Variants in SUCO observed in about 807,000 individuals in gnomAD.
The protein encoded by SUCO is SUN domain-containing ossification factor.
Under a neutral mutation model 148.1 loss-of-function variants are expected in SUCO, and 57 were observed. The observed-to-expected ratio is 0.38, with a 90% confidence interval of 0.31 to 0.48. SUCO has a LOEUF of 0.48. Among genes scored for constraint, SUCO ranks in the 20% least tolerant of loss-of-function variants. The pLI is 0.96. For missense variants in SUCO, 1,331 were observed against 1,468.2 expected (o/e 0.91, Z 1.53); for synonymous variants, 470 against 502.7 (o/e 0.93, Z 0.87).
intron 1 of SUCO, chr1:172,542,905 A>G: frequency 8.1e-6 from 8 of 985,428 alleles, no homozygotes; most frequent in Non-Finnish European, 9.6e-6. Flanking sequence ...GAGAGCTTGA[A>G]AACTGAGAAA....
intron 1 of SUCO, chr1:172,541,836 C>A (rs1286426612): frequency 1.0e-6 from 1 of 982,764 alleles, no homozygotes; most frequent in Non-Finnish European, 1.2e-6. Flanking sequence ...CATTCTAGGG[C>A]CTAAAATTAT....
rs780599535 is a variant in SUCO at position 172,557,668 on chromosome 1, T to C, written c.606T>C (p.Asn202=). ...PDSLVGQHIE[N]VSSSHGKGKI... ...GCCTTGTTGGCCAGCATATAGAAAATGTATCATCTTCACATGGTAAAGGAA... is the reference window on the plus strand; with the variant it reads ...GCCTTGTTGGCCAGCATATAGAAAACGTATCATCTTCACATGGTAAAGGAA... Residue 202 remains asparagine (N), a synonymous_variant, in exon 6 of 24, where the codon AAT becomes AAC. Coordinates refer to ENST00000263688, the MANE Select transcript of SUCO (RefSeq NM_014283.5). 1.9e-6 allele frequency: 3 copies of C among 1,604,078 alleles called. No homozygotes were observed. Among genetic ancestry groups the C allele is most frequent in the African/African-American group, 2.7e-5 (2 of 74,254 alleles).
At chr1:172,534,117 T>C (rs768062248) in intron 1 of SUCO, among the ~76,000 whole-genome samples, 1 of 152,130 alleles carries the variant, frequency 6.6e-6, no homozygotes, top group East Asian at 1.9e-4. Flanking sequence ...GTGTGTGTAG[T>C]AGTTTTTGGT....
intron 1 of SUCO, among the ~76,000 whole-genome samples, chr1:172,544,980 G>C (rs1482400239): frequency 6.6e-6 from 1 of 152,162 alleles, no homozygotes; most frequent in Non-Finnish European, 1.5e-5. Flanking sequence ...AGTTAAGGCA[G>C]TCAGAATGGG....
chr1:172,559,903 C>T (rs371647083), intron 6 of SUCO, among the ~76,000 whole-genome samples: 1 of 152,240 alleles, frequency 6.6e-6, no homozygotes, highest in Non-Finnish European at 1.5e-5. Flanking sequence ...GATCTGATGT[C>T]CAAGACCCGC....
chr1:172,534,337 G>T (rs146446790), intron 1 of SUCO, among the ~76,000 whole-genome samples: 2 of 152,198 alleles, frequency 1.3e-5, no homozygotes, highest in Admixed American at 6.5e-5. Context: ...TTTCTTCAAA[G>T]ATGTGTGACA....
At chr1:172,600,838 A>G (rs1383062967) in intron 20 of SUCO, among the ~76,000 whole-genome samples, 1 of 152,054 alleles carries the variant, frequency 6.6e-6, no homozygotes, top group Non-Finnish European at 1.5e-5. Flanking sequence ...GCAGCCACAC[A>G]TTGCCTGGAA....
At chr1:172,601,763 A>G (rs902961310) in intron 20 of SUCO, among the ~76,000 whole-genome samples, 2 of 152,188 alleles carry the variant, frequency 1.3e-5, no homozygotes, top group Admixed American at 6.5e-5. Flanking sequence ...GTAAATGGAA[A>G]GACAAACAAA....
chr1:172,602,355 A>G, intron 21 of SUCO, 137 bp downstream of exon 21: 1 of 1,411,734 alleles, frequency 7.1e-7, no homozygotes, highest in Non-Finnish European at 9.2e-7. Context: ...AACATTAAAA[A>G]CATCATTCGA....
rs1398287149 is a variant in SUCO at position 172,540,395 on chromosome 1, TA to T, written c.62+6902del. Among the ~76,000 whole-genome samples the T allele has an allele frequency of 5.9e-5, 9 of 152,356 alleles. No individual in the cohort carries two copies. The East Asian group carries it at 1.5e-3, about 26-fold the overall frequency. On this transcript the variant is annotated intron_variant, in intron 1 of 23. Coordinates refer to ENST00000263688, the MANE Select transcript of SUCO (RefSeq NM_014283.5). ...ACATTGGAATTGTTCATGAAACTTTTAAAAGAAATACGCATACCTAGGATTC... is the reference window on the plus strand; with the variant it reads ...ACATTGGAATTGTTCATGAAACTTTTAAAGAAATACGCATACCTAGGATTC...
At position 172,585,873 on chromosome 1, in the gene SUCO, CTGAGA is replaced by C; in HGVS notation, c.1584_1588del (p.Glu529CysfsTer8). On this transcript the variant is annotated frameshift_variant, in exon 17 of 24. Coordinates refer to ENST00000263688, the MANE Select transcript of SUCO (RefSeq NM_014283.5). LOFTEE classifies it high-confidence loss of function. ...CTTAAAATAGGAAATAAAAGTATAT[CTGAGA>C]ATGCCACTGCCACAGCTGCACCTAA... 1 of 1,606,584 alleles carries C rather than the reference CTGAGA, an allele frequency of 6.2e-7. No individual in the cohort carries two copies.
chr1:172,566,890 A>G (rs10157500), intron 6 of SUCO, among the ~76,000 whole-genome samples: 90,778 of 151,974 alleles, frequency 0.6, 27,622 homozygotes, highest in African/African-American at 0.7. Context: ...TGCCTCCGGA[A>G]TCAATTGAGT....
chr1:172,554,062 T>A (rs965544018), intron 3 of SUCO, among the ~76,000 whole-genome samples: 2 of 152,330 alleles, frequency 1.3e-5, no homozygotes, highest in Non-Finnish European at 2.9e-5. Context: ...TCTTTCTTTT[T>A]AAAAAAATAC....
intron 22 of SUCO, chr1:172,602,989 G>C (rs538030143): frequency 4.1e-6 from 2 of 483,270 alleles, no homozygotes; most frequent in Non-Finnish European, 7.3e-6. Flanking sequence ...GGGTAGGGAG[G>C]GGGGCTTAGT....
intron 6 of SUCO, among the ~76,000 whole-genome samples, chr1:172,566,201 G>A (rs1451702273): frequency 6.6e-6 from 1 of 152,216 alleles, no homozygotes; most frequent in Admixed American, 6.5e-5. Flanking sequence ...TAGAGCTCAG[G>A]TTTTACAGCT....
chr1:172,561,572 GGTTGGGCCTTA>G, intron 6 of SUCO, among the ~76,000 whole-genome samples: 1 of 152,230 alleles, frequency 6.6e-6, no homozygotes, highest in East Asian at 1.9e-4. Flanking sequence ...TGATATCTGC[GGTTGGGCCTTA>G]GCATGGCCTC....
intron 19 of SUCO, among the ~76,000 whole-genome samples, chr1:172,596,886 A>T (rs953013894): frequency 6.6e-6 from 1 of 152,178 alleles, no homozygotes; most frequent in Non-Finnish European, 1.5e-5. Context: ...GCCCCCAGAG[A>T]CGGAGTCTAC....
intron 6 of SUCO, 111 bp from the exon 7 acceptor site, chr1:172,568,908 A>C (rs1654747808): frequency 1.9e-6 from 2 of 1,035,002 alleles, no homozygotes; most frequent in South Asian, 3.5e-5. Context: ...AAATATAATC[A>C]TTCATTATAA....
intron 1 of SUCO, among the ~76,000 whole-genome samples, chr1:172,537,064 A>T (rs1406947419): frequency 1.3e-5 from 2 of 151,964 alleles, no homozygotes; most frequent in Non-Finnish European, 2.9e-5. Context: ...TTCAGCCTAT[A>T]CCCTATACCA....
Sources: gnomAD v4.1 joint callset for allele counts (sites outside exome capture counted in the v4.1 genomes callset) on GRCh38, gnomAD v4.1.1 for gene constraint, MANE v1.5 for transcripts, NCBI Gene and HGNC (gene_info 2026-07-23, HGNC 2026-07-21) for gene names.